The following CA8 variants were observed in gnomAD, a reference collection of about 807,000 sequenced individuals.
The protein encoded by CA8 is carbonic anhydrase-related protein.
Under a neutral mutation model 41.4 loss-of-function variants are expected in CA8, and 22 were observed. The ratio of observed to expected loss-of-function variants is 0.53; its 90% CI spans 0.38 to 0.76. The LOEUF (loss-of-function observed/expected upper bound fraction) is 0.76. CA8 is among the 30% of genes least tolerant of loss of function. The pLI, the probability that CA8 is intolerant of heterozygous loss-of-function variation, is 0.00. For synonymous variants in CA8, 121 were observed against 130.6 expected, an observed-to-expected ratio of 0.93 and a Z score of 0.50; for missense variants, 270 against 352.8, an observed-to-expected ratio of 0.77 and a Z score of 1.88.
chr8:60,268,225 G>T (rs559354070), intron 2 of CA8, among the ~76,000 whole-genome samples: 2 of 152,328 alleles, frequency 1.3e-5, no homozygotes, highest in Admixed American at 1.3e-4. Flanking sequence ...GGAGTGTCAT[G>T]AAATGAAGCA....
Position 60,281,230 on chromosome 8 carries a change from G to A in CA8, c.-83C>T. 3.1e-6 allele frequency: 3 copies of A among 968,170 alleles called. No individual in the cohort carries two copies. Among genetic ancestry groups the A allele is most frequent in the Non-Finnish European group, 4.8e-6 (3 of 630,214 alleles). The allele number at this position is 968,170 out of a possible 1,614,324, so 60.0% of individuals were successfully genotyped here. On this transcript the variant is annotated 5_prime_UTR_variant, in exon 1 of 9. Transcript: ENST00000317995. ...CGCGGGGCTGGAGCCGGAGCGGAGC[G>A]CGCGTGGGGGAGTGTGAGCACGCGT... is the stretch of plus-strand genomic sequence containing the variant.
At chr8:60,244,255 A>T (rs887804279) in intron 3 of CA8, among the ~76,000 whole-genome samples, 1 of 152,166 alleles carries the variant, frequency 6.6e-6, no homozygotes, top group African/African-American at 2.4e-5. Flanking sequence ...CAAGATCCAT[A>T]ATCTATAGAT....
At position 60,281,148 on chromosome 8, in the gene CA8, G is replaced by A. The variant is rs764983000; in HGVS notation, c.-1C>T. ...CTTCGATGAAGCTCAGGTCCGCCAT[G>A]GGAAGGCCGCGGGGCCCCTCGGCGC... On this transcript the variant is annotated 5_prime_UTR_variant, in exon 1 of 9. Coordinates refer to ENST00000317995, the MANE Select transcript of CA8 (RefSeq NM_004056.6). The A allele has an allele frequency of 6.4e-7, 1 of 1,557,972 alleles. No individual in the cohort carries two copies. Among genetic ancestry groups the A allele is most frequent in the South Asian group, 1.2e-5 (1 of 84,804 alleles).
chr8:60,219,929 TAA>T lies in CA8; in HGVS notation c.738+2718_738+2719del, dbSNP rs546162939. Among the ~76,000 whole-genome samples, 11 of 82,016 alleles carry T rather than the reference TAA, an allele frequency of 1.3e-4. No individual in the cohort carries two copies. In the South Asian group the frequency reaches 2.8e-3, roughly 21 times the overall value. The allele number at this position is 82,016 out of a possible 152,430, so 53.8% of individuals were successfully genotyped here. A position where few individuals can be genotyped will look rare whatever the true frequency, so the allele number is the denominator to read the frequency against. On this transcript the variant is annotated intron_variant, in intron 7 of 8. Transcript: ENST00000317995. ...CTCTAGTATTTCCTAAATCTTAACT[TAA>T]AAAAAAAAAAAAAAAAAAAAAACAC...
intron 3 of CA8, among the ~76,000 whole-genome samples, chr8:60,262,335 CAA>C (rs11424117): frequency 2.8e-4 from 31 of 109,264 alleles, no homozygotes; most frequent in Admixed American, 3.9e-4. Flanking sequence ...AGCAAAATGG[CAA>C]AAAAAAAAAA....
chr8:60,243,757 G>T (rs1053766852), intron 3 of CA8, among the ~76,000 whole-genome samples: 1 of 152,136 alleles, frequency 6.6e-6, no homozygotes, highest in Non-Finnish European at 1.5e-5. Flanking sequence ...CTTCCCCTGG[G>T]TTTCGTGGTG....
intron 8 of CA8, among the ~76,000 whole-genome samples, chr8:60,196,618 A>G (rs1197004077): frequency 6.6e-6 from 1 of 152,210 alleles, no homozygotes; most frequent in Non-Finnish European, 1.5e-5. Context: ...GTAAGGTATT[A>G]ATTCTCCTTA....
Position 60,231,856 on chromosome 8 carries a change from G to A in CA8, c.513+428C>T, listed in dbSNP as rs566570933. ...GATTTTTATCAGTGTTTCCTATAAG[G>A]CATTTCAAGTCATCTCAGAGTGAAA... On this transcript the variant is annotated intron_variant, in intron 4 of 8. Transcript: ENST00000317995. Among the ~76,000 whole-genome samples the A allele has an allele frequency of 3.9e-5, 6 of 152,210 alleles. No homozygotes were observed. The East Asian group carries it at 1.2e-3, about 29-fold the overall frequency.
intron 2 of CA8, among the ~76,000 whole-genome samples, chr8:60,269,344 A>G (rs1419408371): frequency 6.6e-6 from 1 of 152,200 alleles, no homozygotes; most frequent in Admixed American, 6.5e-5. Context: ...CAGGTTTATT[A>G]GTTATGATGT....
intron 3 of CA8, among the ~76,000 whole-genome samples, chr8:60,232,912 T>A (rs1375225672): frequency 6.6e-6 from 1 of 152,048 alleles, no homozygotes; most frequent in Non-Finnish European, 1.5e-5. Context: ...GGTAAAATAA[T>A]AAATGCTGAT....
At chr8:60,271,970 AT>A (rs1478496966) in intron 2 of CA8, among the ~76,000 whole-genome samples, 1 of 152,208 alleles carries the variant, frequency 6.6e-6, no homozygotes, top group Non-Finnish European at 1.5e-5. Flanking sequence ...CCTTAATAAA[AT>A]TCTCCATGCT....
At chr8:60,194,935 T>C (rs990096645) in intron 8 of CA8, among the ~76,000 whole-genome samples, 3 of 152,218 alleles carry the variant, frequency 2.0e-5, no homozygotes, top group Non-Finnish European at 4.4e-5. Flanking sequence ...TGATGGTCAT[T>C]ATTTGAAATA....
At chr8:60,276,069 C>G (rs1804223256) in intron 2 of CA8, among the ~76,000 whole-genome samples, 1 of 152,200 alleles carries the variant, frequency 6.6e-6, no homozygotes, top group Non-Finnish European at 1.5e-5. Flanking sequence ...TCACTTGCCC[C>G]TTTTCTCAGG....
chr8:60,203,278 A>AAATGAGAT (rs1806486029), intron 8 of CA8, among the ~76,000 whole-genome samples: 1 of 152,180 alleles, frequency 6.6e-6, no homozygotes, highest in Admixed American at 6.5e-5. Flanking sequence ...AAAAAAAGAA[A>AAATGAGAT]AATGAGATGC....
At chr8:60,246,570 T>C (rs1025162201) in intron 3 of CA8, among the ~76,000 whole-genome samples, 11 of 152,176 alleles carry the variant, frequency 7.2e-5, no homozygotes, top group African/African-American at 2.7e-4. Flanking sequence ...AATGCTGGGA[T>C]TGCAGATGTG....
At chr8:60,249,996 T>TGG (rs1375427307) in intron 3 of CA8, among the ~76,000 whole-genome samples, 1 of 152,180 alleles carries the variant, frequency 6.6e-6, no homozygotes, top group Non-Finnish European at 1.5e-5. Flanking sequence ...TTACCTAGCA[T>TGG]CAGAAATATA....
intron 3 of CA8, among the ~76,000 whole-genome samples, chr8:60,256,592 G>GA (rs1215845021): frequency 9.3e-5 from 14 of 150,362 alleles, no homozygotes; most frequent in Middle Eastern, 3.4e-3. Context: ...TTAAATACCA[G>GA]AAAAAAACAA....
intron 3 of CA8, among the ~76,000 whole-genome samples, chr8:60,241,871 T>C (rs902953626): frequency 2.0e-5 from 3 of 152,214 alleles, no homozygotes; most frequent in African/African-American, 7.2e-5. Context: ...TGTTATAGAA[T>C]GTAAGTCATT....
At chr8:60,252,503 T>A (rs976615366) in intron 3 of CA8, among the ~76,000 whole-genome samples, 1 of 152,228 alleles carries the variant, frequency 6.6e-6, no homozygotes, top group African/African-American at 2.4e-5. Flanking sequence ...TTAGTTAAAT[T>A]CACTCTTCTG....
Sources: allele counts gnomAD v4.1 joint callset (sites outside exome capture counted in the v4.1 genomes callset), GRCh38; gene constraint gnomAD v4.1.1; transcripts MANE v1.5; gene names NCBI Gene and HGNC (gene_info 2026-07-23, HGNC 2026-07-21).